ARID5B: variants seen among roughly 807,000 people sequenced by gnomAD.
ARID5B encodes AT-rich interactive domain-containing protein 5B.
Under a neutral mutation model 97.2 loss-of-function variants are expected in ARID5B, and 13 were observed. The ratio of observed to expected loss-of-function variants is 0.13; its 90% CI spans 0.09 to 0.21. The LOEUF is 0.21. ARID5B is among the 10% of genes least tolerant of loss of function. ARID5B has a pLI of 1.00. For missense variants in ARID5B, 1,210 were observed against 1,465.3 expected (o/e 0.83, Z 2.84); for synonymous variants, 556 against 570.3 (o/e 0.97, Z 0.36).
intron 4 of ARID5B, among the ~76,000 whole-genome samples, chr10:62,022,053 G>A (rs1839363057): frequency 6.6e-6 from 1 of 152,094 alleles, no homozygotes; most frequent in Non-Finnish European, 1.5e-5. Flanking sequence ...TTAAGCCCTG[G>A]CACTGTCCCC....
chr10:62,052,333 G>A (rs1177762727), intron 5 of ARID5B, among the ~76,000 whole-genome samples: 1 of 152,198 alleles, frequency 6.6e-6, no homozygotes, highest in East Asian at 1.9e-4. Flanking sequence ...CTTGAAGGAT[G>A]TCAGCAGGAA....
Position 62,092,541 on chromosome 10 carries a change from A to G in ARID5B, c.3078A>G (p.Lys1026=). Residue 1026 remains lysine (K), a synonymous_variant, in exon 10 of 10, where the codon AAA becomes AAG. Transcript: ENST00000279873. ...ATTTGGACCTTGTGATTGCAGGGAAAAAGGCCCGGGCAGTGTCTCCCTTAG... is the reference window on the plus strand; with the variant it reads ...ATTTGGACCTTGTGATTGCAGGGAAGAAGGCCCGGGCAGTGTCTCCCTTAG... ...LEDLDLVIAG[K]KARAVSPLDP... 1 of 1,614,178 alleles carries G rather than the reference A, an allele frequency of 6.2e-7. No individual in the cohort carries two copies. The highest frequency in any genetic ancestry group is 8.5e-7 in the Non-Finnish European group (1 of 1,180,022).
At chr10:62,049,478 G>T in intron 4 of ARID5B, 2 of 1,550,530 alleles carry the variant, frequency 1.3e-6, no homozygotes, top group Non-Finnish European at 1.7e-6. Flanking sequence ...TTGTCGACTG[G>T]AATGGGTAAT....
At chr10:61,934,393 T>G (rs957155915) in intron 2 of ARID5B, among the ~76,000 whole-genome samples, 3 of 152,230 alleles carry the variant, frequency 2.0e-5, no homozygotes, top group African/African-American at 7.2e-5. Flanking sequence ...CACAACATGG[T>G]TAACTGGCGC....
Position 62,093,212 on chromosome 10 carries a change from C to A in ARID5B, c.*182C>A. On this transcript the variant is annotated 3_prime_UTR_variant, in exon 10 of 10. Coordinates refer to ENST00000279873, the MANE Select transcript of ARID5B (RefSeq NM_032199.3). ...TGATTTTTGTGGGACAACTCTAGCC[C>A]ACAAACTGACTGGCTGGTGAGTCTT... The A allele has an allele frequency of 1.2e-6, 1 of 817,982 alleles. No individual in the cohort carries two copies. Among genetic ancestry groups the A allele is most frequent in the Non-Finnish European group, 1.8e-6 (1 of 549,480 alleles). The allele number at this position is 817,982 out of a possible 1,614,324, so 50.7% of individuals were successfully genotyped here. A position where few individuals can be genotyped will look rare whatever the true frequency, so the allele number is the denominator to read the frequency against.
intron 4 of ARID5B, among the ~76,000 whole-genome samples, chr10:62,008,058 C>CATA: frequency 9.0e-6 from 1 of 110,908 alleles, no homozygotes; most frequent in African/African-American, 5.5e-5. Flanking sequence ...TCCCCCGCCC[C>CATA]ACAACACACA....
intron 2 of ARID5B, among the ~76,000 whole-genome samples, chr10:61,917,475 A>G (rs1323243558): frequency 1.3e-5 from 2 of 152,116 alleles, no homozygotes; most frequent in Admixed American, 6.5e-5. Flanking sequence ...ATTACAGGAA[A>G]GCACCACCAC....
At chr10:62,076,583 A>G (rs1554850253) in intron 8 of ARID5B, among the ~76,000 whole-genome samples, 2 of 149,936 alleles carry the variant, frequency 1.3e-5, no homozygotes, top group Non-Finnish European at 3.0e-5. Context: ...AAAAAACTAC[A>G]TCTATAAAAA....
intron 2 of ARID5B, among the ~76,000 whole-genome samples, chr10:61,912,655 T>G: frequency 6.8e-6 from 1 of 147,424 alleles, no homozygotes; most frequent in Non-Finnish European, 1.5e-5. Flanking sequence ...TGTGTGTATA[T>G]ATATGCATGT....
At chr10:61,926,516 G>T (rs2132777152) in intron 2 of ARID5B, among the ~76,000 whole-genome samples, 1 of 152,324 alleles carries the variant, frequency 6.6e-6, no homozygotes, top group East Asian at 1.9e-4. Flanking sequence ...GTCAAGTAAA[G>T]CATCTCTGAG....
chr10:62,020,953 A>C (rs1321221279), intron 4 of ARID5B, among the ~76,000 whole-genome samples: 1 of 150,814 alleles, frequency 6.6e-6, no homozygotes, highest in Non-Finnish European at 1.5e-5. Context: ...CAAAGCTCAC[A>C]GAACTGACTG....
At chr10:61,963,471 C>G (rs1838500930) in intron 3 of ARID5B, among the ~76,000 whole-genome samples, 1 of 151,970 alleles carries the variant, frequency 6.6e-6, no homozygotes, top group African/African-American at 2.4e-5. Flanking sequence ...AGCGGCATGT[C>G]CCTGGGGCAG....
chr10:61,988,878 G>A (rs528068368), intron 3 of ARID5B, among the ~76,000 whole-genome samples: 2 of 151,330 alleles, frequency 1.3e-5, no homozygotes, highest in African/African-American at 4.8e-5. Context: ...TATATTTTGA[G>A]AGCTTACTAT....
Position 61,983,981 on chromosome 10 carries a change from G to A in ARID5B, c.503-16110G>A, listed in dbSNP as rs1190155123. On this transcript the variant is annotated intron_variant, in intron 3 of 9. Transcript: ENST00000279873. The stretch of plus-strand genomic sequence containing the variant: ...CGGCTCACTGCAAGCTCCGCTTCCC[G>A]GGTTCACGCCATTCTCCTGCCTCAG... Among the ~76,000 whole-genome samples, 3 of 22,098 alleles carry A rather than the reference G, an allele frequency of 1.4e-4. 1 individual carries two copies. Among genetic ancestry groups the A allele is most frequent in the South Asian group, 9.4e-4 (1 of 1,068 alleles). The allele number at this position is 22,098 out of a possible 152,430, so 14.5% of individuals were successfully genotyped here.
chr10:62,019,893 G>A (rs553969319), intron 4 of ARID5B, among the ~76,000 whole-genome samples: 37 of 152,206 alleles, frequency 2.4e-4, no homozygotes, highest in African/African-American at 7.7e-4. Flanking sequence ...CTGGTTAATC[G>A]CCCAGGGCTG....
At position 62,091,430 on chromosome 10, in the gene ARID5B, T is replaced by C; in HGVS notation, c.1967T>C (p.Met656Thr). The change falls in exon 10 of 10, where the codon ATG becomes ACG. Residue 656 changes from methionine to threonine, a missense_variant. Coordinates refer to ENST00000279873, the MANE Select transcript of ARID5B (RefSeq NM_032199.3). ...GTCCTTGTGGTCCAGTCGTTTGACA[T>C]GTTCAAAGACAAAGACCTGACTGGG... Reference protein sequence around the residue: ...PKVLVVQSFDMFKDKDLTGPM... With the variant: ...PKVLVVQSFDTFKDKDLTGPM... 2 of 1,612,390 alleles carry C rather than the reference T, an allele frequency of 1.2e-6. No homozygotes were observed. Among genetic ancestry groups the C allele is most frequent in the Non-Finnish European group, 1.7e-6 (2 of 1,178,936 alleles).
At position 62,000,479 on chromosome 10, in the gene ARID5B, G is replaced by A. The variant is rs571779359; in HGVS notation, c.733+158G>A. 2.7e-5 allele frequency among the ~76,000 whole-genome samples: 4 copies of A among 150,770 alleles called. No individual in the cohort carries two copies. The highest frequency in any genetic ancestry group is 4.9e-5 in the African/African-American group (2 of 41,088). On this transcript the variant is annotated intron_variant, in intron 4 of 9. Coordinates refer to ENST00000279873, the MANE Select transcript of ARID5B (RefSeq NM_032199.3). This position sits in a 1 kb window ranked among gnomAD's most constrained non-coding sequence, Gnocchi z 4.4. ...CCCCCAAATTATTGCGGCATAAGGC[G>A]TCATTGCCTCCTTCGTAGCCTCTGT...
chr10:61,954,047 T>C (rs1838358468), intron 3 of ARID5B, among the ~76,000 whole-genome samples: 1 of 152,134 alleles, frequency 6.6e-6, no homozygotes, highest in South Asian at 2.1e-4. Flanking sequence ...TTTGAAGTTT[T>C]TAATGTGATT....
intron 8 of ARID5B, among the ~76,000 whole-genome samples, chr10:62,073,430 G>A (rs1840090357): frequency 6.6e-6 from 1 of 152,200 alleles, no homozygotes; most frequent in South Asian, 2.1e-4. Context: ...ATGAAAGTGT[G>A]GGTTGTTGAA....
Sources: gnomAD v4.1 joint callset for allele counts (sites outside exome capture counted in the v4.1 genomes callset) on GRCh38, gnomAD v4.1.1 for gene constraint, Gnocchi (gnomAD v3.1) non-coding constraint, MANE v1.5 for transcripts, NCBI Gene and HGNC (gene_info 2026-07-23, HGNC 2026-07-21) for gene names.